MAP3K4: variants seen among roughly 807,000 people sequenced by gnomAD.
MAP3K4 encodes the protein mitogen-activated protein kinase kinase kinase 4, also known as MAP three kinase 1.
A neutral mutation model predicts 185.6 loss-of-function variants in MAP3K4; 67 were observed. The ratio of observed to expected loss-of-function variants is 0.36; its 90% CI spans 0.30 to 0.44. The LOEUF (loss-of-function observed/expected upper bound fraction) is 0.44. Ranked by LOEUF, MAP3K4 falls within the 20% of genes least tolerant of loss-of-function variation. The probability of loss-of-function intolerance (pLI) is 1.00; values close to 1 mark genes in which losing one functional copy is unlikely to be tolerated. For missense variants in MAP3K4, 1,551 were observed against 1,995.1 expected (o/e 0.78, Z 4.24); for synonymous variants, 702 against 710.4 (o/e 0.99, Z 0.19).
Position 161,111,884 on chromosome 6 carries a change from T to G in MAP3K4, c.4445T>G (p.Phe1482Cys). The G allele has an allele frequency of 1.2e-6, 2 of 1,614,184 alleles. No homozygotes were observed. The highest frequency in any genetic ancestry group is 1.7e-6 in the Non-Finnish European group (2 of 1,180,018). Residue 1482 changes from phenylalanine (F) to cysteine (C), a missense_variant, in exon 24 of 27, where the codon TTT becomes TGT. This residue lies in a region of MAP3K4 where 159 missense variants were observed against 300.5 expected (regional missense o/e 0.53). Coordinates refer to ENST00000392142, the MANE Select transcript of MAP3K4 (RefSeq NM_005922.4). ...TSSGLIKLGD[F>C]GCSVKLKNNA... is the part of the protein sequence containing the mutation. The stretch of plus-strand genomic sequence containing the variant: ...TCTGGATTAATCAAACTGGGAGATT[T>G]TGGATGTTCAGTAAAGCTCAAAAAC...
intron 4 of MAP3K4, among the ~76,000 whole-genome samples, chr6:161,072,900 G>GT (rs3837008): frequency 2.6e-5 from 4 of 151,558 alleles, no homozygotes; most frequent in Admixed American, 6.6e-5. Flanking sequence ...TTTTTGTTTT[G>GT]TTTTTTTCTG....
At chr6:161,094,862 T>C (rs868398842) in intron 15 of MAP3K4, among the ~76,000 whole-genome samples, 16 of 152,238 alleles carry the variant, frequency 1.1e-4, no homozygotes, top group African/African-American at 3.9e-4. Flanking sequence ...TCTGATATCC[T>C]AAAACACTTC....
Position 161,034,529 on chromosome 6 carries a change from TTC to T in MAP3K4, c.343+82_343+83del, listed in dbSNP as rs1349022002. ...TTCTTTCAACAATAAAGTTAGCAAT[TTC>T]TTTTATTTTTAATTTGATTTTAATG... On this transcript the variant is annotated intron_variant, in intron 2 of 26. Coordinates refer to ENST00000392142, the MANE Select transcript of MAP3K4 (RefSeq NM_005922.4). This position sits in a 1 kb window ranked among gnomAD's most constrained non-coding sequence, Gnocchi z 4.4. The T allele has an allele frequency of 8.4e-7, 1 of 1,192,438 alleles. No homozygotes were observed. The highest frequency in any genetic ancestry group is 1.2e-6 in the Non-Finnish European group (1 of 864,522). 73.9% of individuals were successfully genotyped at this position (1,192,438 alleles called of 1,614,324 possible).
intron 1 of MAP3K4, among the ~76,000 whole-genome samples, chr6:161,021,271 G>A (rs561994232): frequency 1.3e-5 from 2 of 152,152 alleles, no homozygotes; most frequent in Non-Finnish European, 2.9e-5. Flanking sequence ...TTGATTGCTG[G>A]AGTGTAGACA....
Position 161,107,392 on chromosome 6 carries a change from T to C in MAP3K4, c.4049-507T>C, listed in dbSNP as rs1778132185. Among the ~76,000 whole-genome samples the C allele has an allele frequency of 6.6e-6, 1 of 152,216 alleles. No homozygotes were observed. Among genetic ancestry groups the C allele is most frequent in the Admixed American group, 6.5e-5 (1 of 15,284 alleles). ...CCACTGAAAACAATCAAGTACTTTA[T>C]AAATTGGATTAATTATTGTTATCAG... On this transcript the variant is annotated intron_variant, in intron 20 of 26. Coordinates refer to ENST00000392142, the MANE Select transcript of MAP3K4 (RefSeq NM_005922.4). The surrounding 1 kb of genome is among the most constrained non-coding windows in gnomAD (Gnocchi z 6.2).
intron 3 of MAP3K4, among the ~76,000 whole-genome samples, chr6:161,050,679 T>C (rs1361251306): frequency 6.6e-6 from 1 of 152,208 alleles, no homozygotes; most frequent in African/African-American, 2.4e-5. Context: ...TATAAATTCC[T>C]TATTGTAAAG....
At chr6:161,038,813 G>C (rs1358216615) in intron 2 of MAP3K4, among the ~76,000 whole-genome samples, 1 of 152,160 alleles carries the variant, frequency 6.6e-6, no homozygotes, top group Non-Finnish European at 1.5e-5. Context: ...TGTCTGCATA[G>C]TGTCTGCTGG....
rs1346872015 is a variant in MAP3K4 at position 161,116,066 on chromosome 6, G to A, written c.4806+764G>A. 6.6e-6 allele frequency among the ~76,000 whole-genome samples: 1 copy of A among 152,156 alleles called. No homozygotes were observed. The highest frequency in any genetic ancestry group is 6.5e-5 in the Admixed American group (1 of 15,274). On this transcript the variant is annotated intron_variant, in intron 26 of 26. Transcript: ENST00000392142. The surrounding 1 kb of genome is among the most constrained non-coding windows in gnomAD (Gnocchi z 6.2). ...GGTGAGTGAACAGCGGCATTTAAGA[G>A]TTAGAGTGCCGTGGCTGACCCCTGA...
chr6:161,099,856 C>G (rs550071647), intron 17 of MAP3K4, among the ~76,000 whole-genome samples: 1 of 152,244 alleles, frequency 6.6e-6, no homozygotes, highest in Admixed American at 6.5e-5. Flanking sequence ...CTACAGTTAC[C>G]CTTTTCATGG....
intron 15 of MAP3K4, among the ~76,000 whole-genome samples, chr6:161,094,685 A>C (rs1777492278): frequency 6.6e-6 from 1 of 152,252 alleles, no homozygotes; most frequent in South Asian, 2.1e-4. Flanking sequence ...AAAATTCAGT[A>C]GAATGGGTTT....
rs900558170 is a variant in MAP3K4 at position 161,063,833 on chromosome 6, T to C, written c.1708-6775T>C. Among the ~76,000 whole-genome samples, 5 of 152,220 alleles carry C rather than the reference T, an allele frequency of 3.3e-5. No homozygotes were observed. Among genetic ancestry groups the C allele is most frequent in the African/African-American group, 1.2e-4 (5 of 41,462 alleles). ...TGAGCTTTTCATAGAGCACTCATCATGACTTGGGAATTGCCTCTTTACGCC... is the reference window on the plus strand; with the variant it reads ...TGAGCTTTTCATAGAGCACTCATCACGACTTGGGAATTGCCTCTTTACGCC... On this transcript the variant is annotated intron_variant, in intron 3 of 26. Transcript: ENST00000392142. The surrounding 1 kb of genome is among the most constrained non-coding windows in gnomAD (Gnocchi z 5.4).
At position 161,054,250 on chromosome 6, in the gene MAP3K4, G is replaced by A. The variant is rs1234129428; in HGVS notation, c.1707+4271G>A. ...GCTCCCTGAGACCTTTGCCTTGGGG[G>A]TTCAGGCTATTCTCCTGCCTCAGCC... On this transcript the variant is annotated intron_variant, in intron 3 of 26. Coordinates refer to ENST00000392142, the MANE Select transcript of MAP3K4 (RefSeq NM_005922.4). The surrounding 1 kb of genome is among the most constrained non-coding windows in gnomAD (Gnocchi z 4.2). 1.3e-5 allele frequency among the ~76,000 whole-genome samples: 2 copies of A among 152,000 alleles called. No homozygotes were observed. Among genetic ancestry groups the A allele is most frequent in the East Asian group, 1.9e-4 (1 of 5,146 alleles).
chr6:161,057,553 A>G (rs1047737631), intron 3 of MAP3K4, among the ~76,000 whole-genome samples: 1 of 152,194 alleles, frequency 6.6e-6, no homozygotes, highest in Non-Finnish European at 1.5e-5. Context: ...AGAGTAGGAC[A>G]AGTCAGAATC....
At position 161,093,551 on chromosome 6, in the gene MAP3K4, G is replaced by A. The variant is rs1289880182; in HGVS notation, c.3349-222G>A. Among the ~76,000 whole-genome samples the A allele has an allele frequency of 6.6e-6, 1 of 152,128 alleles. No individual in the cohort carries two copies. Among genetic ancestry groups the A allele is most frequent in the Non-Finnish European group, 1.5e-5 (1 of 68,024 alleles). On this transcript the variant is annotated intron_variant, in intron 14 of 26. Transcript: ENST00000392142. The surrounding 1 kb of genome is among the most constrained non-coding windows in gnomAD (Gnocchi z 5.2). ...GCTTGTACACGTTATTGTGTTATGG[G>A]AAATTGACAGCTAATTTGCTTTTAC... is the stretch of plus-strand genomic sequence containing the variant.
chr6:161,036,933 G>C (rs915491958), intron 2 of MAP3K4, among the ~76,000 whole-genome samples: 12 of 152,116 alleles, frequency 7.9e-5, no homozygotes, highest in African/African-American at 2.7e-4. Context: ...AAACACTTCT[G>C]GTCCCAAGCA....
At chr6:161,027,135 T>A (rs74731419) in intron 1 of MAP3K4, among the ~76,000 whole-genome samples, 1 of 152,146 alleles carries the variant, frequency 6.6e-6, no homozygotes, top group Non-Finnish European at 1.5e-5. Context: ...TCATTTCTTA[T>A]ATAAAACTTA....
At chr6:161,102,260 T>C (rs747773665) in intron 18 of MAP3K4, among the ~76,000 whole-genome samples, 4 of 152,228 alleles carry the variant, frequency 2.6e-5, no homozygotes, top group Admixed American at 2.6e-4. Context: ...ATTCTAGATA[T>C]TTTAACTGTT....
rs764356973 is a variant in MAP3K4 at position 160,992,045 on chromosome 6, C to G, written c.114C>G (p.Pro38=). 30 of 1,580,654 alleles carry G rather than the reference C, an allele frequency of 1.9e-5. No homozygotes were observed. The East Asian group carries it at 6.9e-4, about 36-fold the overall frequency. Residue 38 remains proline (P), a synonymous_variant, in exon 1 of 27, where the codon CCC becomes CCG. Transcript: ENST00000392142. ...CGCCGCCACCACCGCCACCGGAACC[C>G]GAGACCGAGTCAGAACCCGAGTGCT... The part of the protein sequence containing the change: ...PPPPPPPPPE[P]ETESEPECCL...
chr6:161,043,493 G>A lies in MAP3K4; in HGVS notation c.344-5123G>A, dbSNP rs184658957. Among the ~76,000 whole-genome samples the A allele has an allele frequency of 5.3e-5, 8 of 152,278 alleles. No individual in the cohort carries two copies. In the East Asian group the frequency reaches 1.4e-3, roughly 26 times the overall value. ...AAACACCTTTGACAAGTCCAAGGAT[G>A]GTGTGGTGGCACCAACTTGGGCTAG... is the stretch of plus-strand genomic sequence containing the variant. On this transcript the variant is annotated intron_variant, in intron 2 of 26. Coordinates refer to ENST00000392142, the MANE Select transcript of MAP3K4 (RefSeq NM_005922.4). The surrounding 1 kb of genome is among the most constrained non-coding windows in gnomAD (Gnocchi z 4.3).
Sources: allele counts gnomAD v4.1 joint callset (sites outside exome capture counted in the v4.1 genomes callset), GRCh38; gene constraint gnomAD v4.1.1; regional missense constraint gnomAD v4.1.1; non-coding constraint Gnocchi (gnomAD v3.1); transcripts MANE v1.5; gene names NCBI Gene and HGNC (gene_info 2026-07-23, HGNC 2026-07-21).